CYRIB: variants seen among roughly 807,000 people sequenced by gnomAD.
CYRIB encodes CYFIP-related Rac1 interactor B.
CYRIB carries 8 observed loss-of-function variants against 44.2 expected under a neutral mutation model. The observed-to-expected ratio is 0.18, with a 90% CI of 0.11 to 0.33. CYRIB has a LOEUF of 0.33. Ranked by LOEUF, CYRIB falls within the 10% of genes least tolerant of loss-of-function variation. CYRIB has a pLI of 1.00. For synonymous variants in CYRIB, 131 were observed against 127.2 expected (o/e 1.03, Z -0.20); for missense variants, 185 against 382.8 (o/e 0.48, Z 4.31).
At chr8:129,891,513 C>T (rs1467823910) in intron 2 of CYRIB, among the ~76,000 whole-genome samples, 1 of 152,200 alleles carries the variant, frequency 6.6e-6, no homozygotes, top group African/African-American at 2.4e-5. Flanking sequence ...CAACAGGATT[C>T]AGGTATTCCT....
At chr8:129,976,048 C>T (rs1340911322) in intron 1 of CYRIB, among the ~76,000 whole-genome samples, 1 of 151,968 alleles carries the variant, frequency 6.6e-6, no homozygotes, top group Admixed American at 6.6e-5. Context: ...TGTAAAAGTC[C>T]CTAACAGTGC....
chr8:129,925,986 C>A (rs1339745989), intron 1 of CYRIB, among the ~76,000 whole-genome samples: 2 of 152,344 alleles, frequency 1.3e-5, no homozygotes, highest in East Asian at 1.9e-4. Flanking sequence ...CTGAATGAAA[C>A]CTTTTACAAC....
At chr8:129,919,420 C>T (rs1231255734) in intron 1 of CYRIB, among the ~76,000 whole-genome samples, 1 of 152,112 alleles carries the variant, frequency 6.6e-6, no homozygotes, top group Non-Finnish European at 1.5e-5. Context: ...TGGCAAAGTA[C>T]AAAATGCTGT....
At chr8:129,974,779 G>T (rs2095847983) in intron 1 of CYRIB, among the ~76,000 whole-genome samples, 1 of 151,128 alleles carries the variant, frequency 6.6e-6, no homozygotes, top group Non-Finnish European at 1.5e-5. Flanking sequence ...GAGTGCAGTG[G>T]CTCAAACATG....
At chr8:130,008,552 C>T (rs72720360) in intron 1 of CYRIB, 7,542 of 154,242 alleles carry the variant, frequency 0.049, 263 homozygotes, top group Middle Eastern at 0.072. Flanking sequence ...GGATCCATCA[C>T]GGGGCCTAGC....
At chr8:129,859,770 AATTAATG>A in intron 5 of CYRIB, among the ~76,000 whole-genome samples, 1 of 152,354 alleles carries the variant, frequency 6.6e-6, no homozygotes. Context: ...TAATTGTACC[AATTAATG>A]ATTAATGATA....
intron 1 of CYRIB, among the ~76,000 whole-genome samples, chr8:130,002,387 A>C (rs2096927013): frequency 6.6e-6 from 1 of 151,998 alleles, no homozygotes; most frequent in Non-Finnish European, 1.5e-5. Context: ...CCTGAGCCAG[A>C]GAGGTCGAGG....
At chr8:129,948,582 AG>A (rs1457957906) in intron 2 of CYRIB, 1 of 152,194 alleles carries the variant, frequency 6.6e-6, no homozygotes, top group South Asian at 2.1e-4. Context: ...CGCCACCTGA[AG>A]GAAGGGACAA....
At chr8:130,016,345 G>A (rs2097345603) in intron 1 of CYRIB, 25 bp downstream of exon 1, 1 of 148,152 alleles carries the variant, frequency 6.7e-6, no homozygotes, top group African/African-American at 2.4e-5. Flanking sequence ...CCGGGCGGCG[G>A]CGCCTTCAGA....
chr8:129,924,853 C>T (rs2086519041), intron 1 of CYRIB, among the ~76,000 whole-genome samples: 1 of 152,050 alleles, frequency 6.6e-6, no homozygotes, highest in Non-Finnish European at 1.5e-5. Context: ...TGGTGCATAC[C>T]TATAGTCCCA....
intron 5 of CYRIB, among the ~76,000 whole-genome samples, chr8:129,857,819 A>C (rs2047008632): frequency 6.6e-6 from 1 of 152,228 alleles, no homozygotes; most frequent in Non-Finnish European, 1.5e-5. Flanking sequence ...AACAGAAAAA[A>C]ACATTTTTAC....
intron 1 of CYRIB, among the ~76,000 whole-genome samples, chr8:129,933,390 A>G (rs2092078204): frequency 6.6e-6 from 1 of 152,086 alleles, no homozygotes; most frequent in Admixed American, 6.6e-5. Context: ...GAGAGACTCA[A>G]AATTTTATGG....
intron 1 of CYRIB, among the ~76,000 whole-genome samples, chr8:129,906,725 G>C (rs1184391610): frequency 6.6e-6 from 1 of 152,122 alleles, no homozygotes; most frequent in Non-Finnish European, 1.5e-5. Flanking sequence ...CTAATATCCA[G>C]AATCTACAAA....
intron 2 of CYRIB, among the ~76,000 whole-genome samples, chr8:129,959,059 C>CAAAAAAAAAAAAAAAAAAAAA (rs60576774): frequency 1.5e-5 from 1 of 68,358 alleles, no homozygotes; most frequent in Non-Finnish European, 3.1e-5. Context: ...GACTCTGTCT[C>CAAAAAAAAAAAAAAAAAAAAA]AAAAAAAAAA....
At chr8:129,860,040 T>G (rs1054776657) in intron 5 of CYRIB, among the ~76,000 whole-genome samples, 5 of 152,198 alleles carry the variant, frequency 3.3e-5, no homozygotes, top group Admixed American at 3.3e-4. Context: ...TTCTGAAGTA[T>G]AACCCATGGT....
chr8:129,876,324 C>T (rs2059119731), intron 3 of CYRIB, among the ~76,000 whole-genome samples: 1 of 152,104 alleles, frequency 6.6e-6, no homozygotes, highest in African/African-American at 2.4e-5. Flanking sequence ...GAGCTGAGAT[C>T]ATGCCGCTGC....
intron 1 of CYRIB, among the ~76,000 whole-genome samples, chr8:129,922,434 C>T (rs2084175890): frequency 6.6e-6 from 1 of 151,958 alleles, no homozygotes; most frequent in Non-Finnish European, 1.5e-5. Context: ...AAAGACGGTA[C>T]AGATCAGTTT....
intron 1 of CYRIB, among the ~76,000 whole-genome samples, chr8:130,010,803 G>A (rs931339928): frequency 6.6e-6 from 1 of 152,148 alleles, no homozygotes; most frequent in African/African-American, 2.4e-5. Context: ...AATGAATGAA[G>A]GGGAGAGGGT....
chr8:129,902,941 T>C (rs1423264351), intron 2 of CYRIB: 1 of 152,454 alleles, frequency 6.6e-6, no homozygotes, highest in Non-Finnish European at 1.5e-5. Context: ...TAAAGTGTCT[T>C]CCCTTCTGTT....
Sources: gnomAD v4.1 joint callset for allele counts (sites outside exome capture counted in the v4.1 genomes callset) on GRCh38, gnomAD v4.1.1 for gene constraint, MANE v1.5 for transcripts, NCBI Gene and HGNC (gene_info 2026-07-23, HGNC 2026-07-21) for gene names.